The following PAPPA variants were observed in gnomAD, a reference collection of about 807,000 sequenced individuals.
PAPPA encodes pappalysin 1, also known as pappalysin-1.
In PAPPA, 60 loss-of-function variants were observed where a neutral mutation model predicts 164.0. The observed-to-expected ratio is 0.37, with a 90% CI of 0.30 to 0.45. PAPPA has a LOEUF of 0.45. Ranked by LOEUF, PAPPA falls within the 20% of genes least tolerant of loss-of-function variation. PAPPA has a pLI of 1.00. For synonymous variants in PAPPA, 875 were observed against 814.1 expected, an observed-to-expected ratio of 1.07 and a Z score of -1.27; for missense variants, 1,782 against 2,087.3, an observed-to-expected ratio of 0.85 and a Z score of 2.85.
rs984621542 is a variant in PAPPA at position 116,153,953 on chromosome 9, T to C, written c.-220T>C. On this transcript the variant is annotated 5_prime_UTR_variant, in exon 1 of 22. Coordinates refer to ENST00000328252, the MANE Select transcript of PAPPA (RefSeq NM_002581.5). ...TAAAGGAGCGGGGAGAGAAATTAAT[T>C]GCCAACCAGGAGGAGTTGGGCTGTA... 5.3e-5 allele frequency: 19 copies of C among 359,142 alleles called. No individual in the cohort carries two copies. Among genetic ancestry groups the C allele is most frequent in the African/African-American group, 6.5e-5 (3 of 45,964 alleles). 22.2% of individuals were successfully genotyped at this position (359,142 alleles called of 1,614,324 possible).
rs117250695 is a variant in PAPPA at position 116,353,446 on chromosome 9, G to C, written c.4176-176G>C. On this transcript the variant is annotated intron_variant, in intron 16 of 21. Transcript: ENST00000328252. ...ATTTCTGCCTGCTCTTGCTAAAGGAGTTCTGTGGATGAATTATCCTTAATT... is the reference window on the plus strand; with the variant it reads ...ATTTCTGCCTGCTCTTGCTAAAGGACTTCTGTGGATGAATTATCCTTAATT... 3.3e-3 allele frequency among the ~76,000 whole-genome samples: 503 copies of C among 152,310 alleles called. 15 individuals carry two copies. The South Asian group carries it at 0.068, about 21-fold the overall frequency.
rs1429663278 is a variant in PAPPA at position 116,219,945 on chromosome 9, T to G, written c.1927T>G (p.Cys643Gly). 6.2e-7 allele frequency: 1 copy of G among 1,611,688 alleles called. No individual in the cohort carries two copies. Among genetic ancestry groups the G allele is most frequent in the Admixed American group, 1.7e-5 (1 of 59,962 alleles). The change falls in exon 5 of 22, where the codon TGT becomes GGT. Residue 643 changes from cysteine to glycine, a missense_variant. By Grantham distance (159) the Cys-to-Gly change is radical (BLOSUM62 -3). Coordinates refer to ENST00000328252, the MANE Select transcript of PAPPA (RefSeq NM_002581.5). ...CCTCTGCCTGCTTGCAGATGACGACTGTACGGACTCCTTCACGCCCAATCA... is the reference window on the plus strand; with the variant it reads ...CCTCTGCCTGCTTGCAGATGACGACGGTACGGACTCCTTCACGCCCAATCA... ...NNFMSYADDDCTDSFTPNQVA... is the reference protein window; with the variant it reads ...NNFMSYADDDGTDSFTPNQVA...
chr9:116,281,824 G>A (rs1319429642), intron 9 of PAPPA, among the ~76,000 whole-genome samples: 1 of 152,142 alleles, frequency 6.6e-6, no homozygotes, highest in African/African-American at 2.4e-5. Flanking sequence ...CTTATGCCAG[G>A]CCAACTGCCT....
chr9:116,163,757 A>C (rs1843693879), intron 1 of PAPPA, among the ~76,000 whole-genome samples: 1 of 152,184 alleles, frequency 6.6e-6, no homozygotes, highest in Admixed American at 6.5e-5. Context: ...ACACTGGGGA[A>C]AAAAGAAGAT....
Position 116,256,017 on chromosome 9 carries a change from A to T in PAPPA, c.2733-9840A>T, listed in dbSNP as rs148613499. Among the ~76,000 whole-genome samples, 2 of 151,982 alleles carry T rather than the reference A, an allele frequency of 1.3e-5. 1 individual carries two copies. Among genetic ancestry groups the T allele is most frequent in the East Asian group, 3.9e-4 (2 of 5,108 alleles). On this transcript the variant is annotated intron_variant, in intron 7 of 21. Transcript: ENST00000328252. ...GAGCTGAAAAATTAAGTGAAAAAAAAAAAAAGATTCCAGGTTAGTGATGTT... is the reference window on the plus strand; with the variant it reads ...GAGCTGAAAAATTAAGTGAAAAAAATAAAAAGATTCCAGGTTAGTGATGTT...
intron 2 of PAPPA, among the ~76,000 whole-genome samples, chr9:116,204,476 A>G (rs1844208228): frequency 6.6e-6 from 1 of 152,158 alleles, no homozygotes; most frequent in South Asian, 2.1e-4. Context: ...GTACAGTGGT[A>G]CAATCATAGC....
rs939599126 is a variant in PAPPA, at chr9:116,154,862, G to A, written c.415+275G>A. ...GCGGACCCTCGGCCAGTGAGGGCTG[G>A]TTCCCGGAGCCTAGGGCACGTAACC... On this transcript the variant is annotated intron_variant, in intron 1 of 21. Transcript: ENST00000328252. This position sits in a 1 kb window ranked among gnomAD's most constrained non-coding sequence, Gnocchi z 5.2. Among the ~76,000 whole-genome samples, 1 of 152,216 alleles carries A rather than the reference G, an allele frequency of 6.6e-6. No homozygotes were observed. Among genetic ancestry groups the A allele is most frequent in the Admixed American group, 6.5e-5 (1 of 15,292 alleles).
At chr9:116,375,922 T>C (rs1846644260) in intron 19 of PAPPA, among the ~76,000 whole-genome samples, 1 of 152,222 alleles carries the variant, frequency 6.6e-6, no homozygotes, top group Non-Finnish European at 1.5e-5. Flanking sequence ...TCTAAGCATG[T>C]ACCATTTTAT....
chr9:116,156,534 T>C lies in PAPPA; in HGVS notation c.415+1947T>C, dbSNP rs555418862. 3.9e-5 allele frequency among the ~76,000 whole-genome samples: 6 copies of C among 151,962 alleles called. No individual in the cohort carries two copies. In the East Asian group the frequency reaches 7.8e-4, roughly 20 times the overall value. ...TTAGGTTATTATTGCTTGTATAAAA[T>C]GCCTGGTCCATTTTATGTGTAGAAA... is the stretch of plus-strand genomic sequence containing the variant. On this transcript the variant is annotated intron_variant, in intron 1 of 21. Coordinates refer to ENST00000328252, the MANE Select transcript of PAPPA (RefSeq NM_002581.5).
chr9:116,166,746 T>C (rs879708872), intron 1 of PAPPA, among the ~76,000 whole-genome samples: 1 of 152,216 alleles, frequency 6.6e-6, no homozygotes, highest in Admixed American at 6.5e-5. Context: ...GAAGTACCAA[T>C]TGCTAATGGG....
At chr9:116,237,031 T>C (rs1049647528) in intron 7 of PAPPA, among the ~76,000 whole-genome samples, 22 of 152,398 alleles carry the variant, frequency 1.4e-4, no homozygotes, top group African/African-American at 5.0e-4. Flanking sequence ...GCTCTTTATT[T>C]GGTTCTAAAA....
intron 9 of PAPPA, among the ~76,000 whole-genome samples, chr9:116,278,515 T>C (rs1347238086): frequency 6.6e-6 from 1 of 152,208 alleles, no homozygotes; most frequent in African/African-American, 2.4e-5. Context: ...TCATGAGTCA[T>C]GAAACAACAA....
At chr9:116,184,483 C>G (rs940193138) in intron 1 of PAPPA, among the ~76,000 whole-genome samples, 9 of 152,082 alleles carry the variant, frequency 5.9e-5, no homozygotes, top group Admixed American at 3.3e-4. Flanking sequence ...TTTCCTCCCT[C>G]CTTTTCATCC....
chr9:116,167,182 C>T (rs1843727946), intron 1 of PAPPA, among the ~76,000 whole-genome samples: 1 of 152,192 alleles, frequency 6.6e-6, no homozygotes, highest in Admixed American at 6.5e-5. Flanking sequence ...GGGATTGGTT[C>T]GAGGACCAAC....
rs1246392587 is a variant in PAPPA, at chr9:116,235,377, G to A, written c.2472G>A (p.Lys824=). ...TCAAACTGTTGGCTGTCAGTGGGAA[G>A]AACATCTCCCTGGGTCCTCAGAATG... ...NDIKLLAVSG[K]NISLGPQNVF... The change falls in exon 7 of 22, where the codon AAG becomes AAA. Residue 824 remains lysine (K), a synonymous_variant. Coordinates refer to ENST00000328252, the MANE Select transcript of PAPPA (RefSeq NM_002581.5). 6.2e-7 allele frequency: 1 copy of A among 1,614,068 alleles called. No individual in the cohort carries two copies. The highest frequency in any genetic ancestry group is 1.7e-5 in the Admixed American group (1 of 60,018).
intron 2 of PAPPA, among the ~76,000 whole-genome samples, chr9:116,199,204 A>G (rs932002590): frequency 2.0e-5 from 3 of 152,302 alleles, no homozygotes; most frequent in Middle Eastern, 3.4e-3. Context: ...ATCACGATCC[A>G]ATCCACAAGG....
At chr9:116,338,036 A>G (rs1454613267) in intron 13 of PAPPA, among the ~76,000 whole-genome samples, 1 of 152,204 alleles carries the variant, frequency 6.6e-6, no homozygotes, top group Non-Finnish European at 1.5e-5. Flanking sequence ...TTCTTTAATG[A>G]GAAAAACTAC....
Position 116,154,155 on chromosome 9 carries a change from C to CGTGGGGGGGGG in PAPPA, c.-17_-16insTGGGGGGGGGG. ...TGGCGGTGCAGGGGCGAAGGGGGGG[C>CGTGGGGGGGGG]GGGGGGAACCGTCGGACATGCGGCT... On this transcript the variant is annotated 5_prime_UTR_variant, in exon 1 of 22. Coordinates refer to ENST00000328252, the MANE Select transcript of PAPPA (RefSeq NM_002581.5). The surrounding 1 kb of genome is among the most constrained non-coding windows in gnomAD (Gnocchi z 5.2). 2.2e-6 allele frequency: 1 copy of CGTGGGGGGGGG among 464,986 alleles called. No individual in the cohort carries two copies. The highest frequency in any genetic ancestry group is 2.9e-6 in the Non-Finnish European group (1 of 345,716). The allele number at this position is 464,986 out of a possible 1,614,324, so 28.8% of individuals were successfully genotyped here. A position where few individuals can be genotyped will look rare whatever the true frequency, so the allele number is the denominator to read the frequency against.
chr9:116,204,306 G>A (rs1254887955), intron 2 of PAPPA, among the ~76,000 whole-genome samples: 1 of 152,138 alleles, frequency 6.6e-6, no homozygotes, highest in East Asian at 1.9e-4. Flanking sequence ...ACTAATACAT[G>A]CACAGAGTTG....
Sources: allele counts gnomAD v4.1 joint callset (sites outside exome capture counted in the v4.1 genomes callset), GRCh38; gene constraint gnomAD v4.1.1; non-coding constraint Gnocchi (gnomAD v3.1); transcripts MANE v1.5; gene names NCBI Gene and HGNC (gene_info 2026-07-23, HGNC 2026-07-21).